ARPC5: variants seen among roughly 807,000 people sequenced by gnomAD.
ARPC5 encodes actin related protein 2/3 complex subunit 5, also known as actin-related protein 2/3 complex subunit 5.
Under a neutral mutation model 15.4 loss-of-function variants are expected in ARPC5, and 5 were observed. That is an observed-to-expected ratio of 0.32 (90% confidence interval 0.17 to 0.68). The LOEUF (loss-of-function observed/expected upper bound fraction) is 0.68, where lower values mean the gene tolerates loss of function less well. Among genes scored for constraint, ARPC5 ranks in the 30% least tolerant of loss-of-function variants. The probability of loss-of-function intolerance (pLI) is 0.71; values close to 1 mark genes in which losing one functional copy is unlikely to be tolerated. For synonymous variants in ARPC5, 85 were observed against 72.2 expected (o/e 1.18, Z -0.90); for missense variants, 138 against 192.8 (o/e 0.72, Z 1.68).
In ARPC5 at chr1:183,621,298, G is replaced by A. The variant is rs1476706944; in HGVS notation, c.*6234C>T. On this transcript the variant is annotated 3_prime_UTR_variant, in exon 4 of 4. Transcript: ENST00000359856. ...CTTTTAGGAATTGATCTACAAATAG[G>A]CTTGAACATATGTAAAATGACTTGT... 1.3e-5 allele frequency: 2 copies of A among 152,102 alleles called. No homozygotes were observed. The highest frequency in any genetic ancestry group is 4.8e-5 in the African/African-American group (2 of 41,396). The allele number at this position is 152,102 out of a possible 1,614,324, so 9.4% of individuals were successfully genotyped here. A position where few individuals can be genotyped will look rare whatever the true frequency, so the allele number is the denominator to read the frequency against.
chr1:183,633,262 C>T (rs940671044), intron 1 of ARPC5, 108 bp from the exon 2 acceptor site: 1 of 746,418 alleles, frequency 1.3e-6, no homozygotes, highest in Non-Finnish European at 2.1e-6. Context: ...ACTTTGGTCA[C>T]TATGTTCAAT....
intron 3 of ARPC5, among the ~76,000 whole-genome samples, chr1:183,628,172 C>CAAAAAAAAAA (rs3068220): frequency 8.7e-5 from 4 of 46,070 alleles, no homozygotes; most frequent in Admixed American, 3.3e-4. Context: ...GACTCCGTCT[C>CAAAAAAAAAA]AAAAAAAAAA....
At chr1:183,635,425 C>A in intron 1 of ARPC5, 92 bp downstream of exon 1, 1 of 1,397,316 alleles carries the variant, frequency 7.2e-7, no homozygotes, top group Non-Finnish European at 9.4e-7. Context: ...AGCTCCGCGC[C>A]GGTGCCCCGC....
chr1:183,628,445 G>A (rs1386770943), intron 3 of ARPC5, among the ~76,000 whole-genome samples: 13 of 152,146 alleles, frequency 8.5e-5, no homozygotes, highest in Admixed American at 7.9e-4. Flanking sequence ...TTAGGAATCT[G>A]AGCTCTGGTT....
chr1:183,635,205 C>T (rs1396834051), intron 1 of ARPC5, among the ~76,000 whole-genome samples: 2 of 152,190 alleles, frequency 1.3e-5, no homozygotes, highest in Non-Finnish European at 2.9e-5. Context: ...GCCGCGAGGG[C>T]GCGGCCGGCG....
Position 183,626,432 on chromosome 1 carries a change from A to G in ARPC5, c.*1100T>C, listed in dbSNP as rs1437494166. The stretch of plus-strand genomic sequence containing the variant: ...TACTCGATATTTATAACTTTTTATA[A>G]GCACCGGTCATTTTTTGAGAACTGA... On this transcript the variant is annotated 3_prime_UTR_variant, in exon 4 of 4. Transcript: ENST00000359856. 1 of 152,478 alleles carries G rather than the reference A, an allele frequency of 6.6e-6. No individual in the cohort carries two copies. Among genetic ancestry groups the G allele is most frequent in the Non-Finnish European group, 1.5e-5 (1 of 68,044 alleles). The allele number at this position is 152,478 out of a possible 1,614,324, so 9.4% of individuals were successfully genotyped here.
Position 183,623,369 on chromosome 1 carries a change from G to T in ARPC5, c.*4163C>A. 2.0e-6 allele frequency: 3 copies of T among 1,528,216 alleles called. No homozygotes were observed. The highest frequency in any genetic ancestry group is 2.7e-6 in the Non-Finnish European group (3 of 1,126,716). The allele number at this position is 1,528,216 out of a possible 1,614,324, so 94.7% of individuals were successfully genotyped here. ...CTGTGTCCCATGTTGCTTGTGGTTG[G>T]ATCATCAATGTGGTGAAGTAGCACC... On this transcript the variant is annotated 3_prime_UTR_variant, in exon 4 of 4. Coordinates refer to ENST00000359856, the MANE Select transcript of ARPC5 (RefSeq NM_005717.4).
chr1:183,623,214 T>G lies in ARPC5; in HGVS notation c.*4318A>C. ...CATACACTACTCAATTTGTGTTTCA[T>G]GTGGTGTGGATTCTAGGGAACTGTT... On this transcript the variant is annotated 3_prime_UTR_variant, in exon 4 of 4. Coordinates refer to ENST00000359856, the MANE Select transcript of ARPC5 (RefSeq NM_005717.4). The G allele has an allele frequency of 5.2e-6, 3 of 572,696 alleles. No homozygotes were observed. The highest frequency in any genetic ancestry group is 6.2e-6 in the Non-Finnish European group (2 of 321,454). 35.5% of individuals were successfully genotyped at this position (572,696 alleles called of 1,614,324 possible).
chr1:183,635,073 C>T (rs1649419378), intron 1 of ARPC5, among the ~76,000 whole-genome samples: 1 of 152,144 alleles, frequency 6.6e-6, no homozygotes, highest in South Asian at 2.1e-4. Flanking sequence ...AGGAAAGATG[C>T]AGGTTCCCCA....
chr1:183,633,301 G>A, intron 1 of ARPC5, 147 bp from the exon 2 acceptor site: 1 of 548,562 alleles, frequency 1.8e-6, no homozygotes, highest in Non-Finnish European at 3.2e-6. Context: ...TGGTTTCCAG[G>A]ATGTTAATCA....
chr1:183,629,659 G>A (rs755508174), intron 3 of ARPC5, among the ~76,000 whole-genome samples: 4 of 152,140 alleles, frequency 2.6e-5, no homozygotes, highest in Non-Finnish European at 4.4e-5. Flanking sequence ...ATATACACAT[G>A]AAAATAGAAA....
chr1:183,628,172 CAAAAAAAAAA>C (rs3068220), intron 3 of ARPC5, among the ~76,000 whole-genome samples: 1 of 46,044 alleles, frequency 2.2e-5, no homozygotes, highest in Non-Finnish European at 4.8e-5. Flanking sequence ...GACTCCGTCT[CAAAAAAAAAA>C]AAAAAAAAAA....
Position 183,623,706 on chromosome 1 carries a change from A to G in ARPC5, c.*3826T>C. ...GTAAGGGGATGTTAGTTGTAAATCT[A>G]AAGGAAAAATTGTGTATCTAAAAAT... On this transcript the variant is annotated 3_prime_UTR_variant, in exon 4 of 4. Transcript: ENST00000359856. The G allele has an allele frequency of 1.7e-6, 1 of 583,040 alleles. No homozygotes were observed. Among genetic ancestry groups the G allele is most frequent in the South Asian group, 2.2e-5 (1 of 45,844 alleles). 36.1% of individuals were successfully genotyped at this position (583,040 alleles called of 1,614,324 possible). A position where few individuals can be genotyped will look rare whatever the true frequency, so the allele number is the denominator to read the frequency against.
intron 2 of ARPC5, 131 bp downstream of exon 2, chr1:183,632,951 A>C (rs1649307453): frequency 1.4e-6 from 1 of 700,802 alleles, no homozygotes; most frequent in African/African-American, 1.9e-5. Flanking sequence ...TTACCTATCA[A>C]ACTACATTAT....
At chr1:183,629,352 G>A (rs1649201318) in intron 3 of ARPC5, among the ~76,000 whole-genome samples, 1 of 152,152 alleles carries the variant, frequency 6.6e-6, no homozygotes, top group African/African-American at 2.4e-5. Flanking sequence ...ACTTCACAGG[G>A]TTGTTGTAAA....
At chr1:183,631,513 G>A (rs1455436329) in intron 2 of ARPC5, 1 of 150,276 alleles carries the variant, frequency 6.7e-6, no homozygotes, top group East Asian at 2.0e-4. Context: ...CCGGGAGGCG[G>A]AGGGTGCAGT....
intron 3 of ARPC5, among the ~76,000 whole-genome samples, chr1:183,629,908 C>T (rs1649216536): frequency 6.6e-6 from 1 of 152,212 alleles, no homozygotes; most frequent in Admixed American, 6.5e-5. Flanking sequence ...TCCCTACTTC[C>T]TAGTAACCTC....
Position 183,635,782 on chromosome 1 carries a change from C to T in ARPC5, c.-123G>A. The T allele has an allele frequency of 1.5e-6, 2 of 1,357,036 alleles. No homozygotes were observed. Among genetic ancestry groups the T allele is most frequent in the Non-Finnish European group, 2.0e-6 (2 of 1,008,242 alleles). 84.1% of individuals were successfully genotyped at this position (1,357,036 alleles called of 1,614,324 possible). A position where few individuals can be genotyped will look rare whatever the true frequency, so the allele number is the denominator to read the frequency against. ...CTCTTCCGCTCTGAGGCGTCGCCGA[C>T]TGCCGCGGCTCGGACCGTTCTGGGC... On this transcript the variant is annotated 5_prime_UTR_variant, in exon 1 of 4. Transcript: ENST00000359856.
chr1:183,635,365 T>C, intron 1 of ARPC5, 152 bp downstream of exon 1: 1 of 947,574 alleles, frequency 1.1e-6, no homozygotes, highest in Non-Finnish European at 1.5e-6. Context: ...CCTTGCCCTC[T>C]CAGAGCGGGC....
Sources: gnomAD v4.1 joint callset for allele counts (sites outside exome capture counted in the v4.1 genomes callset) on GRCh38, gnomAD v4.1.1 for gene constraint, MANE v1.5 for transcripts, NCBI Gene and HGNC (gene_info 2026-07-23, HGNC 2026-07-21) for gene names.